The following NEBL variants were observed in gnomAD, a reference collection of about 807,000 sequenced individuals.
NEBL encodes LIM and SH3 protein 2.
A neutral mutation model predicts 140.2 loss-of-function variants in NEBL; 122 were observed. The observed-to-expected ratio is 0.87, with a 90% CI of 0.75 to 1.01. The LOEUF is 1.01. Ranked by LOEUF, NEBL falls within the 50% of genes least tolerant of loss-of-function variation. NEBL has a pLI of 0.00. For synonymous variants in NEBL, 436 were observed against 398.9 expected, an observed-to-expected ratio of 1.09 and a Z score of -1.11; for missense variants, 1,365 against 1,231.3, an observed-to-expected ratio of 1.11 and a Z score of -1.62.
intron 2 of NEBL, among the ~76,000 whole-genome samples, chr10:21,128,559 G>C (rs1036466940): frequency 3.3e-5 from 5 of 151,966 alleles, no homozygotes; most frequent in Admixed American, 2.0e-4. Context: ...TAAACATACA[G>C]AGCTGAAAAA....
rs57844177 is a variant in NEBL at position 20,796,367 on chromosome 10, GAAAAAAAAAA to G, written c.2762-9069_2762-9060del. On this transcript the variant is annotated intron_variant, in intron 26 of 27. Transcript: ENST00000377122. ...AAGAGTGAAACTCAGTCTAAAACAA[GAAAAAAAAAA>G]AAAAAAAAAAAAAAAAACTTCTCTA... Among the ~76,000 whole-genome samples the G allele has an allele frequency of 5.0e-4, 26 of 51,518 alleles. 1 individual carries two copies. The South Asian group carries it at 5.1e-3, about 10-fold the overall frequency. The allele number at this position is 51,518 out of a possible 152,430, so 33.8% of individuals were successfully genotyped here. A position where few individuals can be genotyped will look rare whatever the true frequency, so the allele number is the denominator to read the frequency against.
chr10:21,196,121 A>G (rs1017686160), intron 3 of NEBL, among the ~76,000 whole-genome samples: 6 of 152,026 alleles, frequency 3.9e-5, no homozygotes, highest in Non-Finnish European at 7.4e-5. Flanking sequence ...CTCCTGCCTC[A>G]GCCTCCTGAG....
At chr10:21,243,932 AGGGAAAGGGAAG>A (rs1842477639) in intron 3 of NEBL, among the ~76,000 whole-genome samples, 1 of 140,578 alleles carries the variant, frequency 7.1e-6, no homozygotes, top group Admixed American at 7.0e-5. Context: ...GGAAAGGGAA[AGGGAAAGGGAAG>A]GGGAAGGGGA....
intron 2 of NEBL, among the ~76,000 whole-genome samples, chr10:21,156,482 T>G (rs946584467): frequency 2.0e-5 from 3 of 152,136 alleles, no homozygotes; most frequent in Non-Finnish European, 4.4e-5. Flanking sequence ...TGGATAAGAT[T>G]TCTATCAGGT....
At chr10:21,229,202 C>G (rs1445853522) in intron 3 of NEBL, among the ~76,000 whole-genome samples, 4 of 152,208 alleles carry the variant, frequency 2.6e-5, no homozygotes, top group Non-Finnish European at 5.9e-5. Context: ...GGGCAGATCA[C>G]TTGAGCCCAG....
chr10:21,284,187 G>A (rs1165691158), intron 1 of NEBL, among the ~76,000 whole-genome samples: 1 of 128,968 alleles, frequency 7.8e-6, no homozygotes, highest in Non-Finnish European at 1.6e-5. Context: ...TACAGCCTGG[G>A]TGACAGAGCA....
At chr10:21,234,496 T>C (rs1301601015) in intron 3 of NEBL, among the ~76,000 whole-genome samples, 2 of 152,144 alleles carry the variant, frequency 1.3e-5, no homozygotes, top group Non-Finnish European at 2.9e-5. Context: ...GCCAACACCA[T>C]GCTTCCTGTA....
At chr10:21,036,776 G>A (rs1246968660) in intron 2 of NEBL, among the ~76,000 whole-genome samples, 7 of 152,004 alleles carry the variant, frequency 4.6e-5, no homozygotes, top group Non-Finnish European at 7.4e-5. Context: ...TGAACCATCC[G>A]CCTGAGCATG....
At chr10:21,224,396 A>G (rs1249389945) in intron 3 of NEBL, among the ~76,000 whole-genome samples, 1 of 152,150 alleles carries the variant, frequency 6.6e-6, no homozygotes, top group African/African-American at 2.4e-5. Flanking sequence ...TGCCAGTGCC[A>G]TGCTGTTTTG....
chr10:20,923,666 C>CAAAAAAAAAAAAAAAAAAAAAAAAA lies in NEBL; in HGVS notation c.357+37981_357+38005dup, dbSNP rs71390799. Among the ~76,000 whole-genome samples, 29 of 28,366 alleles carry CAAAAAAAAAAAAAAAAAAAAAAAAA rather than the reference C, an allele frequency of 1.0e-3. 6 individuals carry two copies. Among genetic ancestry groups the CAAAAAAAAAAAAAAAAAAAAAAAAA allele is most frequent in the African/African-American group, 3.2e-3 (26 of 8,036 alleles). The allele number at this position is 28,366 out of a possible 152,430, so 18.6% of individuals were successfully genotyped here. A position where few individuals can be genotyped will look rare whatever the true frequency, so the allele number is the denominator to read the frequency against. On this transcript the variant is annotated intron_variant, in intron 4 of 6. Coordinates refer to the NEBL transcript ENST00000417816. ...TGCACTCCAGAGCAAGACTCCGTCTCAAAAAAAAAAAAAAAAAAAAAAAAA... is the reference window on the plus strand; with the variant it reads ...TGCACTCCAGAGCAAGACTCCGTCTCAAAAAAAAAAAAAAAAAAAAAAAAAAAAAAAAAAAAAAAAAAAAAAAAAA...
At chr10:20,991,843 C>A (rs1487601596) in intron 3 of NEBL, among the ~76,000 whole-genome samples, 1 of 150,870 alleles carries the variant, frequency 6.6e-6, no homozygotes, top group Non-Finnish European at 1.5e-5. Context: ...ATTTAGCTCC[C>A]ACTTACAGAT....
At chr10:20,949,655 T>C (rs1219932928) in intron 4 of NEBL, among the ~76,000 whole-genome samples, 1 of 152,186 alleles carries the variant, frequency 6.6e-6, no homozygotes. Flanking sequence ...CATTTTGAAA[T>C]TAATAAGCTG....
rs917262522 is a variant in NEBL, at chr10:20,825,338, C to T, written c.1869+1109G>A. On this transcript the variant is annotated intron_variant, in intron 18 of 27. Coordinates refer to ENST00000377122, the MANE Select transcript of NEBL (RefSeq NM_006393.3). ...AAGTCAGAGTAAGGGATTTAAAGAA[C>T]GAATCCTTTTTACTTCCTCAAGAAA... Among the ~76,000 whole-genome samples the T allele has an allele frequency of 3.3e-5, 5 of 151,998 alleles. No homozygotes were observed. The East Asian group carries it at 7.7e-4, about 24-fold the overall frequency.
At chr10:20,983,220 T>C (rs972731970) in intron 3 of NEBL, among the ~76,000 whole-genome samples, 5 of 152,226 alleles carry the variant, frequency 3.3e-5, no homozygotes, top group Admixed American at 2.6e-4. Context: ...TGTAGAATGC[T>C]GAGACTTTAC....
chr10:21,123,974 G>A (rs769211791), intron 2 of NEBL, among the ~76,000 whole-genome samples: 4 of 151,068 alleles, frequency 2.6e-5, no homozygotes, highest in Non-Finnish European at 5.9e-5. Context: ...CCTGAGATAC[G>A]TGTGTGTGTT....
intron 3 of NEBL, among the ~76,000 whole-genome samples, chr10:21,186,257 AACACACACACACACACAC>A (rs765894739): frequency 5.6e-5 from 7 of 124,738 alleles, no homozygotes; most frequent in Admixed American, 2.4e-4. Flanking sequence ...TATATATACA[AACACACACACACACACAC>A]ACACACACAC....
chr10:20,954,147 C>T (rs1835662054), intron 4 of NEBL, among the ~76,000 whole-genome samples: 1 of 151,554 alleles, frequency 6.6e-6, no homozygotes. Context: ...TAGACAATGA[C>T]ACAATAGAAA....
intron 2 of NEBL, among the ~76,000 whole-genome samples, chr10:21,155,894 C>A (rs146091016): frequency 1.3e-5 from 2 of 152,120 alleles, no homozygotes; most frequent in Non-Finnish European, 2.9e-5. Context: ...CAGAGATTAA[C>A]GCCCACTGCA....
chr10:21,199,439 A>G (rs898812541), intron 3 of NEBL, among the ~76,000 whole-genome samples: 1 of 152,166 alleles, frequency 6.6e-6, no homozygotes, highest in African/African-American at 2.4e-5. Context: ...GTCTTTACCA[A>G]TTGCATATTA....
Sources: allele counts gnomAD v4.1 joint callset (sites outside exome capture counted in the v4.1 genomes callset), GRCh38; gene constraint gnomAD v4.1.1; transcripts MANE v1.5; gene names NCBI Gene and HGNC (gene_info 2026-07-23, HGNC 2026-07-21).